UBASH3B: variants seen among roughly 807,000 people sequenced by gnomAD.
UBASH3B encodes the protein ubiquitin associated and SH3 domain containing B.
UBASH3B carries 37 observed loss-of-function variants against 83.4 expected under a neutral mutation model. That is an observed-to-expected ratio of 0.44 (90% CI 0.34 to 0.58). UBASH3B has a LOEUF of 0.58. Ranked by LOEUF, UBASH3B falls within the 20% of genes least tolerant of loss-of-function variation. The pLI is 0.01. For missense variants in UBASH3B, 657 were observed against 827.2 expected (o/e 0.79, Z 2.52); for synonymous variants, 304 against 318.3 (o/e 0.96, Z 0.48).
At chr11:122,802,450 T>G (rs1861275597) in intron 11 of UBASH3B, among the ~76,000 whole-genome samples, 1 of 152,058 alleles carries the variant, frequency 6.6e-6, no homozygotes, top group African/African-American at 2.4e-5. Flanking sequence ...ATTAAGTTCA[T>G]ATTTCTTAAG....
chr11:122,683,294 A>G (rs1223546718), intron 1 of UBASH3B, among the ~76,000 whole-genome samples: 1 of 151,066 alleles, frequency 6.6e-6, no homozygotes, highest in Non-Finnish European at 1.5e-5. Flanking sequence ...TTCAGTTTGT[A>G]TCTTTAAAAG....
intron 1 of UBASH3B, among the ~76,000 whole-genome samples, chr11:122,771,564 G>A (rs976764607): frequency 6.6e-6 from 1 of 152,124 alleles, no homozygotes; most frequent in Non-Finnish European, 1.5e-5. Flanking sequence ...TTAAGGTCCA[G>A]ATCAAGCATC....
chr11:122,783,198 G>T lies in UBASH3B; in HGVS notation c.747G>T (p.Arg249=), dbSNP rs773296589. Residue 249 remains arginine, a synonymous_variant, in exon 5 of 14, where the codon CGG becomes CGT. Coordinates refer to ENST00000284273, the MANE Select transcript of UBASH3B (RefSeq NM_032873.5). The part of the protein sequence containing the change: ...GCDWVATIFS[R]DIRFANHETL... ...ACTGGGTGGCTACCATATTTTCTCG[G>T]GATATCCGATTTGCTAACCATGAGG... The T allele has an allele frequency of 3.0e-5, 49 of 1,613,964 alleles. 1 individual carries two copies. The South Asian group carries it at 5.1e-4, about 17-fold the overall frequency.
chr11:122,705,036 G>A (rs1489350934), intron 1 of UBASH3B, among the ~76,000 whole-genome samples: 1 of 152,146 alleles, frequency 6.6e-6, no homozygotes, highest in Non-Finnish European at 1.5e-5. Flanking sequence ...CACTAACCTG[G>A]CCAACATATG....
intron 6 of UBASH3B, among the ~76,000 whole-genome samples, chr11:122,792,300 C>CT (rs200749669): frequency 1.7e-3 from 233 of 140,226 alleles, no homozygotes; most frequent in African/African-American, 5.3e-3. Context: ...ACTGGATTTT[C>CT]TTTTTTTTTT....
At chr11:122,757,507 CA>C (rs1861300666) in intron 1 of UBASH3B, among the ~76,000 whole-genome samples, 1 of 152,140 alleles carries the variant, frequency 6.6e-6, no homozygotes, top group African/African-American at 2.4e-5. Flanking sequence ...ATGAAGACAG[CA>C]TATACCTGAT....
chr11:122,793,259 T>C (rs1199757647), intron 6 of UBASH3B, among the ~76,000 whole-genome samples: 5 of 152,140 alleles, frequency 3.3e-5, no homozygotes, highest in African/African-American at 1.2e-4. Flanking sequence ...GACGCACGCC[T>C]GTAATCCCAG....
intron 1 of UBASH3B, among the ~76,000 whole-genome samples, chr11:122,666,368 T>C (rs1863518802): frequency 6.6e-6 from 1 of 152,234 alleles, no homozygotes; most frequent in Non-Finnish European, 1.5e-5. Context: ...GCTGGAGTTC[T>C]CAACCATGGC....
intron 1 of UBASH3B, among the ~76,000 whole-genome samples, chr11:122,770,993 A>T (rs2135131206): frequency 6.6e-6 from 1 of 152,330 alleles, no homozygotes; most frequent in Admixed American, 6.5e-5. Context: ...ATCAGGTCCA[A>T]GCTCTAAAGT....
At position 122,794,804 on chromosome 11, in the gene UBASH3B, T is replaced by C; in HGVS notation, c.1083T>C (p.Thr361=). 6.2e-7 allele frequency: 1 copy of C among 1,613,932 alleles called. No homozygotes were observed. The highest frequency in any genetic ancestry group is 8.5e-7 in the Non-Finnish European group (1 of 1,179,940). Residue 361 remains threonine (T), a synonymous_variant, in exon 7 of 14, where the codon ACT becomes ACC. Coordinates refer to ENST00000284273, the MANE Select transcript of UBASH3B (RefSeq NM_032873.5). ...PYEDQGLGET[T]PLTIICQPMQ... ...AGGACCAGGGGCTCGGGGAGACGACTCCTCTTACTATCATCTGCCAGCCCA... is the reference window on the plus strand; with the variant it reads ...AGGACCAGGGGCTCGGGGAGACGACCCCTCTTACTATCATCTGCCAGCCCA...
At chr11:122,730,796 T>C (rs1035469693) in intron 1 of UBASH3B, among the ~76,000 whole-genome samples, 3 of 152,050 alleles carry the variant, frequency 2.0e-5, no homozygotes, top group Non-Finnish European at 4.4e-5. Flanking sequence ...GATTTCTCTA[T>C]GTTGGTCAGA....
rs1291288781 is a variant in UBASH3B, at chr11:122,758,191, G to A, written c.162-18028G>A. On this transcript the variant is annotated intron_variant, in intron 1 of 13. Coordinates refer to ENST00000284273, the MANE Select transcript of UBASH3B (RefSeq NM_032873.5). This position sits in a 1 kb window ranked among gnomAD's most constrained non-coding sequence, Gnocchi z 4.2. ...GGGTGGGGCCGGTCTGGGGGGTATCGTAGTTGGGCCAGCAGACACACGGCT... is the reference window on the plus strand; with the variant it reads ...GGGTGGGGCCGGTCTGGGGGGTATCATAGTTGGGCCAGCAGACACACGGCT... 1.3e-5 allele frequency among the ~76,000 whole-genome samples: 2 copies of A among 152,262 alleles called. No homozygotes were observed. Among genetic ancestry groups the A allele is most frequent in the Admixed American group, 1.3e-4 (2 of 15,282 alleles).
chr11:122,786,658 C>T (rs1199793805), intron 5 of UBASH3B, among the ~76,000 whole-genome samples: 1 of 151,598 alleles, frequency 6.6e-6, no homozygotes, highest in East Asian at 1.9e-4. Flanking sequence ...CTCCGTCTCA[C>T]ACAAAAAAAA....
In UBASH3B at chr11:122,758,803, A is replaced by G. The variant is rs566705654; in HGVS notation, c.162-17416A>G. ...GAAATGCAATGAATTCAGATCAGCAATTTCCACTGGTTATGGGATTGGGAT... is the reference window on the plus strand; with the variant it reads ...GAAATGCAATGAATTCAGATCAGCAGTTTCCACTGGTTATGGGATTGGGAT... On this transcript the variant is annotated intron_variant, in intron 1 of 13. Coordinates refer to ENST00000284273, the MANE Select transcript of UBASH3B (RefSeq NM_032873.5). The surrounding 1 kb of genome is among the most constrained non-coding windows in gnomAD (Gnocchi z 4.2). 6.6e-6 allele frequency among the ~76,000 whole-genome samples: 1 copy of G among 152,188 alleles called. No homozygotes were observed. The highest frequency in any genetic ancestry group is 2.4e-5 in the African/African-American group (1 of 41,448).
rs777961261 is a variant in UBASH3B, at chr11:122,799,049, T to G, written c.1450+15T>G. 7.4e-6 allele frequency: 12 copies of G among 1,611,138 alleles called. No homozygotes were observed. In the South Asian group the frequency reaches 1.3e-4, roughly 18 times the overall value. ...TATCTTGAAAGGTAAGACTTGCAGG[T>G]TGACAAAAACAAGTAGTCCATCCCT... On this transcript the variant is annotated intron_variant, in intron 10 of 13. Transcript: ENST00000284273.
rs1194693913 is a variant in UBASH3B at position 122,811,912 on chromosome 11, A to G, written c.*2026A>G. 6.6e-6 allele frequency: 1 copy of G among 152,190 alleles called. No individual in the cohort carries two copies. Among genetic ancestry groups the G allele is most frequent in the African/African-American group, 2.4e-5 (1 of 41,448 alleles). 9.4% of individuals were successfully genotyped at this position (152,190 alleles called of 1,614,324 possible). On this transcript the variant is annotated 3_prime_UTR_variant, in exon 14 of 14. Coordinates refer to ENST00000284273, the MANE Select transcript of UBASH3B (RefSeq NM_032873.5). ...TGTTTAATCAGATCCATAATCTTTA[A>G]CAGATTCACCACAAATTTTCATGGG...
rs150117577 is a variant in UBASH3B at position 122,719,670 on chromosome 11, C to A, written c.162-56549C>A. Among the ~76,000 whole-genome samples the A allele has an allele frequency of 3.4e-3, 518 of 152,292 alleles. 1 individual carries two copies. The highest frequency in any genetic ancestry group is 8.0e-3 in the Admixed American group (122 of 15,284). On this transcript the variant is annotated intron_variant, in intron 1 of 13. Coordinates refer to ENST00000284273, the MANE Select transcript of UBASH3B (RefSeq NM_032873.5). The stretch of plus-strand genomic sequence containing the variant: ...AAAACCTAAAGTGTTAAATCAGATT[C>A]TTGAACAGTAACACTTCCCAAACAA...
chr11:122,797,123 G>A (rs764223039), intron 9 of UBASH3B, 90 bp downstream of exon 9: 12 of 1,479,790 alleles, frequency 8.1e-6, no homozygotes, highest in Non-Finnish European at 1.1e-5. Context: ...ACTTCCTGTG[G>A]GTTTCTATAA....
Position 122,656,144 on chromosome 11 carries a change from C to A in UBASH3B, c.95C>A (p.Pro32His). The A allele has an allele frequency of 1.9e-6, 3 of 1,588,452 alleles. No individual in the cohort carries two copies. The highest frequency in any genetic ancestry group is 2.3e-5 in the South Asian group (2 of 87,242). Residue 32 changes from proline to histidine, a missense_variant, in exon 1 of 14, where the codon CCC (proline) becomes CAC (histidine). This residue lies in a region of UBASH3B where 78 missense variants were observed against 68.4 expected (regional missense o/e 1.14). Transcript: ENST00000284273. ...VTPRRNRQQR[P>H]GTIKHGSALD... is the part of the protein sequence containing the mutation. ...CCCCGGAGGAACCGCCAACAGCGCC[C>A]CGGCACCATCAAGCATGGATCGGCG...
Sources: allele counts gnomAD v4.1 joint callset (sites outside exome capture counted in the v4.1 genomes callset), GRCh38; gene constraint gnomAD v4.1.1; regional missense constraint gnomAD v4.1.1; non-coding constraint Gnocchi (gnomAD v3.1); transcripts MANE v1.5; gene names NCBI Gene and HGNC (gene_info 2026-07-23, HGNC 2026-07-21).